The following DCUN1D1 variants were observed in gnomAD, a reference collection of about 807,000 sequenced individuals.
The protein encoded by DCUN1D1 is defective in cullin neddylation 1 domain containing 1, also known as DCN1-like protein 1.
DCUN1D1 carries 3 observed loss-of-function variants against 39.0 expected under a neutral mutation model. The observed-to-expected ratio is 0.08, with a 90% CI of 0.04 to 0.20. The LOEUF is 0.20. Among genes scored for constraint, DCUN1D1 ranks in the 10% least tolerant of loss-of-function variants. The probability of loss-of-function intolerance (pLI) is 1.00; values close to 1 mark genes in which losing one functional copy is unlikely to be tolerated. For missense variants in DCUN1D1, 158 were observed against 302.4 expected (o/e 0.52, Z 3.54); for synonymous variants, 82 against 96.3 (o/e 0.85, Z 0.87).
At position 182,969,928 on chromosome 3, in the gene DCUN1D1, T is replaced by A. The variant is rs183910507; in HGVS notation, c.4-4175A>T. On this transcript the variant is annotated intron_variant, in intron 1 of 6. Coordinates refer to ENST00000292782, the MANE Select transcript of DCUN1D1 (RefSeq NM_020640.4). ...TGTTTTATTCTTAAATCTAGCATAT[T>A]TGCATTATTTTTTTCACTCAAGAAA... 1.1e-3 allele frequency among the ~76,000 whole-genome samples: 165 copies of A among 152,310 alleles called. 1 individual carries two copies. In the Middle Eastern group the frequency reaches 0.031, roughly 28 times the overall value.
At chr3:182,968,797 G>A (rs995443067) in intron 1 of DCUN1D1, among the ~76,000 whole-genome samples, 5 of 152,016 alleles carry the variant, frequency 3.3e-5, no homozygotes, top group Non-Finnish European at 1.5e-5. Flanking sequence ...ATGGGGTTTT[G>A]CCATGTTGCC....
At chr3:182,980,374 G>A in intron 1 of DCUN1D1, 113 bp downstream of exon 1, 1 of 804,854 alleles carries the variant, frequency 1.2e-6, no homozygotes, top group Non-Finnish European at 1.5e-6. Context: ...GGAGGCCGCG[G>A]GCCGAGGCTC....
intron 1 of DCUN1D1, among the ~76,000 whole-genome samples, chr3:182,974,776 ACT>A: frequency 6.6e-6 from 1 of 151,536 alleles, no homozygotes. Flanking sequence ...AAAAAAAAAA[ACT>A]AAATCCCATA....
chr3:182,983,844 A>G (rs1728641857), upstream of DCUN1D1, among the ~76,000 whole-genome samples: 1 of 152,208 alleles, frequency 6.6e-6, no homozygotes, highest in Admixed American at 6.5e-5. Context: ...TACTCAACTC[A>G]AAGACCATCT....
chr3:182,967,128 C>CTATATATATATATATA (rs60339329), intron 1 of DCUN1D1, among the ~76,000 whole-genome samples: 30 of 143,566 alleles, frequency 2.1e-4, no homozygotes, highest in African/African-American at 7.4e-4. Flanking sequence ...AACAAAAAAA[C>CTATATATATATATATA]TATATATATA....
intron 4 of DCUN1D1, chr3:182,956,311 C>T: frequency 3.8e-6 from 1 of 263,956 alleles, no homozygotes. Flanking sequence ...AGCTCATCAC[C>T]AAAACCCCAA....
exon 1 of DCUN1D1, chr3:182,985,883 T>A (rs1728717281): frequency 6.6e-6 from 1 of 152,168 alleles, no homozygotes; most frequent in Non-Finnish European, 1.5e-5. Context: ...TCCACCCTCA[T>A]GGTAGAGGCA....
intron 3 of DCUN1D1, among the ~76,000 whole-genome samples, 174 bp from the exon 4 acceptor site, chr3:182,961,530 C>T (rs1348283434): frequency 2.6e-5 from 4 of 151,980 alleles, no homozygotes; most frequent in East Asian, 1.9e-4. Flanking sequence ...GGGTTAGCTG[C>T]GGGAAGAAGA....
chr3:182,957,711 G>A (rs1318123978), intron 4 of DCUN1D1, among the ~76,000 whole-genome samples: 1 of 151,758 alleles, frequency 6.6e-6, no homozygotes, highest in Non-Finnish European at 1.5e-5. Flanking sequence ...ATCACAAGAA[G>A]TAAGGTTATA....
intron 2 of DCUN1D1, among the ~76,000 whole-genome samples, chr3:182,964,544 A>G (rs894809632): frequency 7.9e-5 from 12 of 152,018 alleles, no homozygotes; most frequent in African/African-American, 2.7e-4. Flanking sequence ...AAAAATCTAT[A>G]CTTATCAGAG....
chr3:182,979,603 C>A (rs200127241), intron 1 of DCUN1D1, among the ~76,000 whole-genome samples: 13 of 95,842 alleles, frequency 1.4e-4, no homozygotes, highest in African/African-American at 4.0e-4. Context: ...GACTTTTTCC[C>A]CCCCCCAAAC....
intron 4 of DCUN1D1, among the ~76,000 whole-genome samples, chr3:182,949,427 A>C (rs565394638): frequency 6.6e-6 from 1 of 152,214 alleles, no homozygotes; most frequent in African/African-American, 2.4e-5. Context: ...ATTTGTAAGA[A>C]ATCAATTATA....
chr3:182,962,228 C>T (rs1181837761), intron 3 of DCUN1D1, among the ~76,000 whole-genome samples: 4 of 152,184 alleles, frequency 2.6e-5, no homozygotes, highest in East Asian at 1.9e-4. Flanking sequence ...TCAGGATGGG[C>T]CTGGCTTTGG....
chr3:182,947,186 TG>T, intron 6 of DCUN1D1, 51 bp downstream of exon 6: 1 of 933,488 alleles, frequency 1.1e-6, no homozygotes. Flanking sequence ...TTCAAGGGTA[TG>T]GGATAAAAAG....
intron 4 of DCUN1D1, chr3:182,955,240 T>A: frequency 2.0e-6 from 1 of 505,986 alleles, no homozygotes; most frequent in East Asian, 5.2e-5. Flanking sequence ...TAATATTAAT[T>A]CACTTGAGGG....
upstream of DCUN1D1, among the ~76,000 whole-genome samples, chr3:182,981,399 A>G (rs1728545828): frequency 2.0e-5 from 3 of 152,170 alleles, no homozygotes; most frequent in Admixed American, 1.3e-4. Flanking sequence ...TGGGCGTTAA[A>G]TCAACTGAGG....
At position 182,972,697 on chromosome 3, in the gene DCUN1D1, C is replaced by T. The variant is rs1728004384; in HGVS notation, c.4-6944G>A. Among the ~76,000 whole-genome samples the T allele has an allele frequency of 3.3e-5, 5 of 151,974 alleles. No individual in the cohort carries two copies. In the South Asian group the frequency reaches 1.0e-3, roughly 31 times the overall value. On this transcript the variant is annotated intron_variant, in intron 1 of 6. Transcript: ENST00000292782. ...TTGAGGCTGCAATGAGCCATGATCA[C>T]ATCACTAACTCCAGCCTAAACAACA...
chr3:182,980,554 C>T (rs1169381958), upstream of DCUN1D1: 48 of 1,201,482 alleles, frequency 4.0e-5, no homozygotes, highest in Non-Finnish European at 1.0e-6. Context: ...GCGGCGGCGG[C>T]GGCGGCTCCT....
At chr3:182,961,145 T>C in intron 4 of DCUN1D1, 81 bp downstream of exon 4, 1 of 1,021,896 alleles carries the variant, frequency 9.8e-7, no homozygotes, top group Non-Finnish European at 1.4e-6. Flanking sequence ...TCAAAACACA[T>C]AACTTTCTAT....
Sources: gnomAD v4.1 joint callset for allele counts (sites outside exome capture counted in the v4.1 genomes callset) on GRCh38, gnomAD v4.1.1 for gene constraint, MANE v1.5 for transcripts, NCBI Gene and HGNC (gene_info 2026-07-23, HGNC 2026-07-21) for gene names.